Variants in KIAA0513 observed in about 807,000 individuals in gnomAD.
KIAA0513 encodes the protein uncharacterized protein KIAA0513.
KIAA0513 carries 39 observed loss-of-function variants against 56.5 expected under a neutral mutation model. The ratio of observed to expected loss-of-function variants is 0.69; its 90% confidence interval spans 0.53 to 0.90. The LOEUF is 0.90. KIAA0513 is among the 40% of genes least tolerant of loss of function. KIAA0513 has a pLI of 0.00. For missense variants in KIAA0513, 591 were observed against 535.2 expected (o/e 1.10, Z -1.03); for synonymous variants, 268 against 215.6 (o/e 1.24, Z -2.13).
In KIAA0513 at chr16:85,082,612, C is replaced by G. The variant is rs2073759264; in HGVS notation, c.1010+19C>G. 6.2e-7 allele frequency: 1 copy of G among 1,613,824 alleles called. No individual in the cohort carries two copies. The highest frequency in any genetic ancestry group is 1.3e-5 in the African/African-American group (1 of 74,918). On this transcript the variant is annotated intron_variant, in intron 10 of 12. Coordinates refer to ENST00000683363, the MANE Select transcript of KIAA0513 (RefSeq NM_001388359.1). ...AGAAGAGGTGTGTGTGTCCACGTGA[C>G]TTTGTTCCATTTTACAGTGCGGGCT...
chr16:85,041,965 C>G (rs2073109680), intron 1 of KIAA0513, among the ~76,000 whole-genome samples: 1 of 152,184 alleles, frequency 6.6e-6, no homozygotes, highest in Non-Finnish European at 1.5e-5. Flanking sequence ...TCCTGTCCCT[C>G]CTTGTCTGTC....
chr16:85,081,415 T>G lies in KIAA0513; in HGVS notation c.980+23T>G. 1 of 1,550,232 alleles carries G rather than the reference T, an allele frequency of 6.5e-7. No homozygotes were observed. Among genetic ancestry groups the G allele is most frequent in the South Asian group, 1.2e-5 (1 of 84,240 alleles). On this transcript the variant is annotated intron_variant, in intron 9 of 12. Coordinates refer to ENST00000683363, the MANE Select transcript of KIAA0513 (RefSeq NM_001388359.1). This position sits in a 1 kb window ranked among gnomAD's most constrained non-coding sequence, Gnocchi z 4.4. Reference sequence around the variant, plus strand: ...CAGGTAGGAGCAAAGTGTGGCCCCATTTGGCCTCAGGAAAAAGGACCAGGG... The same window carrying G: ...CAGGTAGGAGCAAAGTGTGGCCCCAGTTGGCCTCAGGAAAAAGGACCAGGG...
chr16:85,060,125 T>G (rs1182774336), intron 1 of KIAA0513, among the ~76,000 whole-genome samples: 2 of 152,156 alleles, frequency 1.3e-5, no homozygotes, highest in Non-Finnish European at 2.9e-5. Context: ...CAGGCCTGGC[T>G]AATTTTTGTA....
Position 85,076,181 on chromosome 16 carries a change from GA to G in KIAA0513, c.574+268del, listed in dbSNP as rs2073653539. Reference sequence around the variant, plus strand: ...GCAAAGGAAACTCCTGAGCTGGTAGGAGATGAGAAAAGAAACAAGCTAGGCA... The same window carrying G: ...GCAAAGGAAACTCCTGAGCTGGTAGGGATGAGAAAAGAAACAAGCTAGGCA... On this transcript the variant is annotated intron_variant, in intron 5 of 12. Transcript: ENST00000683363. The surrounding 1 kb of genome is among the most constrained non-coding windows in gnomAD (Gnocchi z 4.7). Among the ~76,000 whole-genome samples the G allele has an allele frequency of 6.6e-6, 1 of 152,242 alleles. No individual in the cohort carries two copies. The highest frequency in any genetic ancestry group is 6.5e-5 in the Admixed American group (1 of 15,288).
chr16:85,031,850 C>G (rs1270927455), intron 1 of KIAA0513, among the ~76,000 whole-genome samples: 1 of 152,226 alleles, frequency 6.6e-6, no homozygotes, highest in African/African-American at 2.4e-5. Flanking sequence ...TTATTTTCTT[C>G]ATAACAATAT....
At chr16:85,082,267 G>A (rs1446046496) in intron 9 of KIAA0513, among the ~76,000 whole-genome samples, 1 of 152,154 alleles carries the variant, frequency 6.6e-6, no homozygotes, top group East Asian at 1.9e-4. Flanking sequence ...TCCTGGGGAG[G>A]CAGAGGGGCT....
At chr16:85,037,923 C>A (rs1040398406) in intron 1 of KIAA0513, among the ~76,000 whole-genome samples, 2 of 152,210 alleles carry the variant, frequency 1.3e-5, no homozygotes, top group Non-Finnish European at 2.9e-5. Context: ...TACCTGTGGT[C>A]CTGCATCTGT....
Position 85,047,760 on chromosome 16 carries a change from C to A in KIAA0513, c.-172-19140C>A, listed in dbSNP as rs544606420. On this transcript the variant is annotated intron_variant, in intron 1 of 12. Transcript: ENST00000683363. ...TTACTAGATGCTTCTCCTGGAGCCC[C>A]CGGGCACACTCTTGCTCGCCTCTGG... is the stretch of plus-strand genomic sequence containing the variant. 3.9e-5 allele frequency among the ~76,000 whole-genome samples: 6 copies of A among 152,260 alleles called. No homozygotes were observed. The South Asian group carries it at 1.2e-3, about 32-fold the overall frequency.
intron 1 of KIAA0513, among the ~76,000 whole-genome samples, chr16:85,040,116 G>A (rs1236486204): frequency 1.3e-5 from 2 of 152,226 alleles, no homozygotes; most frequent in African/African-American, 4.8e-5. Context: ...TTACAGGCAT[G>A]AGCCACCGTG....
chr16:85,029,049 TCCC>T (rs1275563670), intron 1 of KIAA0513, among the ~76,000 whole-genome samples: 1 of 152,174 alleles, frequency 6.6e-6, no homozygotes, highest in Non-Finnish European at 1.5e-5. Context: ...CTTCCTGTCT[TCCC>T]CCCATTTCTC....
chr16:85,086,596 A>G, intron 10 of KIAA0513, 48 bp from the exon 11 acceptor site: 2 of 1,560,662 alleles, frequency 1.3e-6, no homozygotes, highest in Non-Finnish European at 1.8e-6. Flanking sequence ...AGCTGGGGCA[A>G]GGACAGCACC....
intron 1 of KIAA0513, among the ~76,000 whole-genome samples, chr16:85,065,940 G>A (rs572606658): frequency 6.6e-6 from 1 of 152,320 alleles, no homozygotes; most frequent in East Asian, 1.9e-4. Context: ...TCACAATCCG[G>A]TCTGTTCCTT....
intron 2 of KIAA0513, 75 bp downstream of exon 2, chr16:85,067,475 C>T: frequency 8.1e-7 from 1 of 1,232,900 alleles, no homozygotes; most frequent in Non-Finnish European, 1.1e-6. Context: ...GCTCTCGGCT[C>T]TGCCTCTCCC....
At chr16:85,034,672 C>T (rs938921618) in intron 1 of KIAA0513, among the ~76,000 whole-genome samples, 2 of 152,138 alleles carry the variant, frequency 1.3e-5, no homozygotes, top group African/African-American at 4.8e-5. Context: ...TATTATGGCT[C>T]ATATTTATAG....
intron 1 of KIAA0513, among the ~76,000 whole-genome samples, chr16:85,048,371 A>G (rs186648295): frequency 2.6e-5 from 4 of 152,350 alleles, no homozygotes; most frequent in African/African-American, 4.8e-5. Context: ...CTAAGAGTCA[A>G]GAGTCTTTAA....
chr16:85,072,250 A>G (rs1319421471), intron 3 of KIAA0513, among the ~76,000 whole-genome samples: 4 of 152,194 alleles, frequency 2.6e-5, no homozygotes, highest in Non-Finnish European at 4.4e-5. Context: ...TGGATGTCGC[A>G]CTTCAAGGGA....
rs143736253 is a variant in KIAA0513, at chr16:85,043,655, C to T, written c.-173+15797C>T. On this transcript the variant is annotated intron_variant, in intron 1 of 12. Coordinates refer to ENST00000683363, the MANE Select transcript of KIAA0513 (RefSeq NM_001388359.1). ...CTTGAACTCTTGACCTCAAGTGATC[C>T]ACCCACCTCAGCCTCCCAAAGTGCT... is the stretch of plus-strand genomic sequence containing the variant. 2.6e-5 allele frequency among the ~76,000 whole-genome samples: 4 copies of T among 152,170 alleles called. No individual in the cohort carries two copies. In the East Asian group the frequency reaches 7.8e-4, roughly 30 times the overall value.
Position 85,087,058 on chromosome 16 carries a change from G to A in KIAA0513, c.1092-14G>A. 1 of 1,613,522 alleles carries A rather than the reference G, an allele frequency of 6.2e-7. No homozygotes were observed. The highest frequency in any genetic ancestry group is 1.1e-5 in the South Asian group (1 of 91,078). On this transcript the variant is annotated splice_polypyrimidine_tract_variant and intron_variant, in intron 11 of 12. Coordinates refer to ENST00000683363, the MANE Select transcript of KIAA0513 (RefSeq NM_001388359.1). ...GGAGGCCAGCGGGTGACGCTCTTGG[G>A]GTTTCTCCTGCAGCACATTCACGCA...
rs200467083 is a variant in KIAA0513 at position 85,067,251 on chromosome 16, G to A, written c.180G>A (p.Ser60=). The A allele has an allele frequency of 5.3e-5, 85 of 1,614,068 alleles. 1 individual carries two copies. Among genetic ancestry groups the A allele is most frequent in the Non-Finnish European group, 5.8e-5 (69 of 1,180,010 alleles). The change falls in exon 2 of 13, where the codon TCG becomes TCA. Residue 60 remains serine (S), a synonymous_variant. Transcript: ENST00000683363. ...SADSENDMGE[S]PSHPSWDQDR... is the part of the protein sequence containing the mutation. ...ACAGTGAGAATGACATGGGCGAGTC[G>A]CCCTCGCACCCGTCCTGGGACCAAG...
Sources: gnomAD v4.1 joint callset for allele counts (sites outside exome capture counted in the v4.1 genomes callset) on GRCh38, gnomAD v4.1.1 for gene constraint, Gnocchi (gnomAD v3.1) non-coding constraint, MANE v1.5 for transcripts, NCBI Gene and HGNC (gene_info 2026-07-23, HGNC 2026-07-21) for gene names.